The following CNTN5 variants were observed in gnomAD, a reference collection of about 807,000 sequenced individuals.
CNTN5 encodes the protein contactin 5.
CNTN5 carries 77 observed loss-of-function variants against 129.1 expected under a neutral mutation model. The observed-to-expected ratio is 0.60, with a 90% CI of 0.50 to 0.72. The LOEUF (loss-of-function observed/expected upper bound fraction) is 0.72, where lower values mean the gene tolerates loss of function less well. Ranked by LOEUF, CNTN5 falls within the 30% of genes least tolerant of loss-of-function variation. CNTN5 has a pLI of 0.00. For missense variants in CNTN5, 1,478 were observed against 1,328.8 expected (o/e 1.11, Z -1.75); for synonymous variants, 509 against 465.6 (o/e 1.09, Z -1.20).
At chr11:100,116,619 G>C (rs1293398111) in intron 13 of CNTN5, among the ~76,000 whole-genome samples, 1 of 151,832 alleles carries the variant, frequency 6.6e-6, no homozygotes. Context: ...AATAGCTTCT[G>C]AGAGACAAAT....
chr11:99,699,537 C>G (rs776527159), intron 3 of CNTN5, among the ~76,000 whole-genome samples: 1 of 151,332 alleles, frequency 6.6e-6, no homozygotes, highest in African/African-American at 2.4e-5. Flanking sequence ...ATAAACAATA[C>G]TCTGATTTTT....
intron 4 of CNTN5, among the ~76,000 whole-genome samples, chr11:99,826,059 T>C (rs1204934686): frequency 1.3e-5 from 2 of 152,154 alleles, no homozygotes; most frequent in Non-Finnish European, 2.9e-5. Context: ...AATTTGTACT[T>C]TGGAGTATCG....
At chr11:99,367,407 C>G (rs1239759129) in intron 2 of CNTN5, among the ~76,000 whole-genome samples, 1 of 151,942 alleles carries the variant, frequency 6.6e-6, no homozygotes, top group Non-Finnish European at 1.5e-5. Context: ...GCATTAGATT[C>G]TATGAATGTG....
intron 3 of CNTN5, among the ~76,000 whole-genome samples, chr11:99,793,124 A>G (rs981551736): frequency 2.0e-5 from 3 of 151,606 alleles, no homozygotes; most frequent in South Asian, 4.2e-4. Flanking sequence ...CAGTGGCGCA[A>G]TCTCGGCTCA....
chr11:100,096,807 C>T (rs1038980481), intron 13 of CNTN5, among the ~76,000 whole-genome samples: 6 of 152,020 alleles, frequency 3.9e-5, no homozygotes, highest in South Asian at 2.1e-4. Context: ...GTGACTCTCC[C>T]GACCACATGG....
chr11:99,681,958 A>T (rs1344765280), intron 3 of CNTN5, among the ~76,000 whole-genome samples: 3 of 152,196 alleles, frequency 2.0e-5, no homozygotes, highest in South Asian at 4.1e-4. Flanking sequence ...AATAACTCAC[A>T]AAGCAAGGAG....
chr11:99,519,219 A>G (rs1173767907), intron 2 of CNTN5, among the ~76,000 whole-genome samples: 1 of 151,920 alleles, frequency 6.6e-6, no homozygotes, highest in Non-Finnish European at 1.5e-5. Flanking sequence ...TACTTAGTTA[A>G]TTTCTACTCA....
chr11:99,922,253 A>G (rs1241022108), intron 7 of CNTN5, among the ~76,000 whole-genome samples: 1 of 152,174 alleles, frequency 6.6e-6, no homozygotes, highest in Non-Finnish European at 1.5e-5. Context: ...ATTCACCATC[A>G]TGAGAACACA....
intron 1 of CNTN5, among the ~76,000 whole-genome samples, chr11:99,054,693 G>A (rs1864561240): frequency 6.6e-6 from 1 of 151,638 alleles, no homozygotes; most frequent in South Asian, 2.1e-4. Flanking sequence ...AAAAGTATAA[G>A]CTCAAATCCA....
intron 7 of CNTN5, among the ~76,000 whole-genome samples, chr11:99,939,624 AT>A (rs71463598): frequency 0.31 from 46,460 of 151,812 alleles, 8,261 homozygotes; most frequent in South Asian, 0.4. Flanking sequence ...CCAAATATTT[AT>A]TTTTTTAATT....
intron 2 of CNTN5, among the ~76,000 whole-genome samples, chr11:99,509,693 A>G (rs1285139203): frequency 6.6e-6 from 1 of 152,130 alleles, no homozygotes; most frequent in Non-Finnish European, 1.5e-5. Context: ...TGAAAACAAA[A>G]TATACACAAA....
intron 1 of CNTN5, among the ~76,000 whole-genome samples, chr11:99,275,058 T>A (rs564529783): frequency 6.6e-6 from 1 of 151,618 alleles, no homozygotes; most frequent in South Asian, 2.1e-4. Context: ...AATATATATC[T>A]ATAAATGTGT....
At chr11:99,891,699 A>C (rs888100374) in intron 6 of CNTN5, among the ~76,000 whole-genome samples, 1 of 152,066 alleles carries the variant, frequency 6.6e-6, no homozygotes, top group African/African-American at 2.4e-5. Context: ...CTTGGTGTTT[A>C]TGTGCCACAT....
intron 3 of CNTN5, among the ~76,000 whole-genome samples, chr11:99,736,172 A>C (rs1006532695): frequency 6.6e-6 from 1 of 152,128 alleles, no homozygotes; most frequent in Non-Finnish European, 1.5e-5. Context: ...GCAGAACTCT[A>C]TTACTTGCAG....
intron 6 of CNTN5, among the ~76,000 whole-genome samples, chr11:99,895,473 A>T (rs1412095951): frequency 6.6e-6 from 1 of 152,218 alleles, no homozygotes; most frequent in African/African-American, 2.4e-5. Flanking sequence ...AGGAAACAAA[A>T]TAACAAGTGA....
intron 3 of CNTN5, among the ~76,000 whole-genome samples, chr11:99,680,559 A>C (rs1385410379): frequency 6.6e-6 from 1 of 152,146 alleles, no homozygotes; most frequent in Non-Finnish European, 1.5e-5. Context: ...TCATTTCAAA[A>C]CATGACGGCT....
At chr11:99,158,539 A>C (rs535517547) in intron 1 of CNTN5, among the ~76,000 whole-genome samples, 1 of 151,960 alleles carries the variant, frequency 6.6e-6, no homozygotes, top group Admixed American at 6.6e-5. Flanking sequence ...TGACTGTTTA[A>C]TTTTTTTGCA....
chr11:99,837,935 A>T (rs570179123), intron 4 of CNTN5, among the ~76,000 whole-genome samples: 1 of 152,158 alleles, frequency 6.6e-6, no homozygotes, highest in South Asian at 2.1e-4. Context: ...TATTAGAGGG[A>T]CTTAGGGTAT....
chr11:100,231,108 G>A (rs939425867), intron 16 of CNTN5, among the ~76,000 whole-genome samples: 2 of 152,182 alleles, frequency 1.3e-5, no homozygotes, highest in South Asian at 2.1e-4. Flanking sequence ...AGGGAGACAC[G>A]GTGGGACAGG....
Sources: gnomAD v4.1 joint callset for allele counts (sites outside exome capture counted in the v4.1 genomes callset) on GRCh38, gnomAD v4.1.1 for gene constraint, MANE v1.5 for transcripts, NCBI Gene and HGNC (gene_info 2026-07-23, HGNC 2026-07-21) for gene names.